The following RNF216 variants were observed in gnomAD, a reference collection of about 807,000 sequenced individuals.
RNF216 encodes the protein E3 ubiquitin-protein ligase RNF216.
A neutral mutation model predicts 110.8 loss-of-function variants in RNF216; 72 were observed. The observed-to-expected ratio is 0.65, with a 90% confidence interval of 0.54 to 0.79. The LOEUF is 0.79. Among genes scored for constraint, RNF216 ranks in the 30% least tolerant of loss-of-function variants. The pLI is 0.00. For synonymous variants in RNF216, 495 were observed against 407.5 expected, an observed-to-expected ratio of 1.21 and a Z score of -2.59; for missense variants, 1,342 against 1,141.2, an observed-to-expected ratio of 1.18 and a Z score of -2.54.
chr7:5,749,267 C>T (rs1400698560), intron 3 of RNF216, among the ~76,000 whole-genome samples: 1 of 151,572 alleles, frequency 6.6e-6, no homozygotes, highest in African/African-American at 2.4e-5. Context: ...TCTACTGCCT[C>T]AGCCTCCTGA....
intron 13 of RNF216, among the ~76,000 whole-genome samples, chr7:5,656,899 T>G (rs992463812): frequency 2.6e-5 from 4 of 152,110 alleles, no homozygotes; most frequent in Non-Finnish European, 4.4e-5. Flanking sequence ...GGCCACCACC[T>G]CCTCCAAGCC....
chr7:5,661,767 C>T (rs142896615), intron 13 of RNF216, among the ~76,000 whole-genome samples: 2,669 of 152,284 alleles, frequency 0.018, 34 homozygotes, highest in Non-Finnish European at 0.028. Context: ...TGTGCCACTA[C>T]ACTCCAGCCT....
rs796409845 is a variant in RNF216 at position 5,696,824 on chromosome 7, T to C, written c.2061+14937A>G. Among the ~76,000 whole-genome samples the C allele has an allele frequency of 6.6e-6, 1 of 152,152 alleles. No homozygotes were observed. The highest frequency in any genetic ancestry group is 1.5e-5 in the Non-Finnish European group (1 of 68,002). On this transcript the variant is annotated intron_variant, in intron 13 of 16. Transcript: ENST00000389902. The surrounding 1 kb of genome is among the most constrained non-coding windows in gnomAD (Gnocchi z 5.4). ...GGAGGACGGCATGTCCCCAGGTTAC[T>C]AGAAATGACTTGCCATAGTGACTAC... is the stretch of plus-strand genomic sequence containing the variant.
intron 3 of RNF216, among the ~76,000 whole-genome samples, chr7:5,748,408 C>T (rs1795148692): frequency 6.6e-6 from 1 of 152,130 alleles, no homozygotes; most frequent in Admixed American, 6.5e-5. Context: ...TATAGGTGCT[C>T]ACCACCATGC....
At chr7:5,629,984 T>A (rs2128558769) in intron 15 of RNF216, among the ~76,000 whole-genome samples, 1 of 152,190 alleles carries the variant, frequency 6.6e-6, no homozygotes, top group Middle Eastern at 3.4e-3. Flanking sequence ...CAGGAAACAT[T>A]CCAGGCATAT....
At chr7:5,705,941 ACAAAAC>A (rs1182776815) in intron 13 of RNF216, among the ~76,000 whole-genome samples, 1 of 150,952 alleles carries the variant, frequency 6.6e-6, no homozygotes, top group African/African-American at 2.4e-5. Flanking sequence ...ACAAAACAAA[ACAAAAC>A]AAAACAAAAC....
chr7:5,646,558 T>C lies in RNF216; in HGVS notation c.2160-5182A>G, dbSNP rs377065551. ...AATACAAAAAATTAGCTGGGTGTGG[T>C]GGCACACAACTGTAGTCCCAGCCAC... is the stretch of plus-strand genomic sequence containing the variant. On this transcript the variant is annotated intron_variant, in intron 14 of 16. Coordinates refer to ENST00000389902, the MANE Select transcript of RNF216 (RefSeq NM_207111.4). Among the ~76,000 whole-genome samples, 106 of 151,820 alleles carry C rather than the reference T, an allele frequency of 7.0e-4. 2 individuals are homozygous for C. The East Asian group carries it at 0.011, about 16-fold the overall frequency.
intron 13 of RNF216, among the ~76,000 whole-genome samples, chr7:5,700,518 A>ATT (rs1791897498): frequency 6.6e-6 from 1 of 152,222 alleles, no homozygotes; most frequent in Non-Finnish European, 1.5e-5. Flanking sequence ...GGAACTTAAT[A>ATT]GGTGGTGTGT....
At chr7:5,697,424 T>TAGGCAGATGAC (rs1295109686) in intron 13 of RNF216, among the ~76,000 whole-genome samples, 7 of 152,206 alleles carry the variant, frequency 4.6e-5, no homozygotes. Context: ...TGTCTCCATA[T>TAGGCAGATGAC]AGGCAGATGA....
intron 1 of RNF216, among the ~76,000 whole-genome samples, chr7:5,773,854 C>G (rs1400897162): frequency 6.6e-6 from 1 of 152,186 alleles, no homozygotes; most frequent in Non-Finnish European, 1.5e-5. Flanking sequence ...GGCGAGTCAC[C>G]GTGCCTGGCC....
At position 5,623,088 on chromosome 7, in the gene RNF216, G is replaced by A. The variant is rs149012430; in HGVS notation, c.2544C>T (p.Asn848=). The A allele has an allele frequency of 3.6e-4, 585 of 1,611,636 alleles. No homozygotes were observed. The highest frequency in any genetic ancestry group is 4.8e-4 in the Non-Finnish European group (569 of 1,178,110). The part of the protein sequence containing the change: ...VEALPRPVPQ[N]LPQPQMPPYA... Reference sequence around the variant, plus strand: ...AGGGTGGCATCTGTGGCTGTGGCAGGTTCTGCGGAACGGGCCTCGGGAGGG... The same window carrying A: ...AGGGTGGCATCTGTGGCTGTGGCAGATTCTGCGGAACGGGCCTCGGGAGGG... Residue 848 remains asparagine (N), a synonymous_variant, in exon 17 of 17, where the codon AAC becomes AAT. Coordinates refer to ENST00000389902, the MANE Select transcript of RNF216 (RefSeq NM_207111.4).
chr7:5,635,316 A>G (rs1294569925), intron 15 of RNF216, among the ~76,000 whole-genome samples: 1 of 150,422 alleles, frequency 6.6e-6, no homozygotes, highest in Non-Finnish European at 1.5e-5. Context: ...TTTAACACAC[A>G]ATGATATTTA....
In RNF216 at chr7:5,729,700, C is replaced by G. The variant is rs1584526442; in HGVS notation, c.1225-104G>C. ...TGTGTAGAAAAGAATAACATTTGTT[C>G]TAATTACTCTATAAGGAAGTTACCA... On this transcript the variant is annotated intron_variant, in intron 6 of 16. Coordinates refer to ENST00000389902, the MANE Select transcript of RNF216 (RefSeq NM_207111.4). The G allele has an allele frequency of 8.0e-6, 8 of 1,005,664 alleles. No individual in the cohort carries two copies. The East Asian group carries it at 2.1e-4, about 26-fold the overall frequency. The allele number at this position is 1,005,664 out of a possible 1,614,324, so 62.3% of individuals were successfully genotyped here.
chr7:5,716,599 T>G, intron 10 of RNF216, 117 bp downstream of exon 10: 1 of 719,398 alleles, frequency 1.4e-6, no homozygotes, highest in Admixed American at 2.6e-5. Context: ...AACTGCAAAC[T>G]CACCAAACAG....
intron 14 of RNF216, among the ~76,000 whole-genome samples, chr7:5,646,979 G>A (rs917572575): frequency 6.6e-6 from 1 of 152,182 alleles, no homozygotes. Context: ...CCCTAGACAT[G>A]TACGTAGTCT....
chr7:5,780,655 G>T (rs1207632356), intron 1 of RNF216, among the ~76,000 whole-genome samples: 1 of 151,496 alleles, frequency 6.6e-6, no homozygotes, highest in South Asian at 2.1e-4. Flanking sequence ...CAGTGAGCCG[G>T]GATCGCGCCA....
At chr7:5,764,151 C>A (rs1247103295) in intron 1 of RNF216, among the ~76,000 whole-genome samples, 1 of 151,324 alleles carries the variant, frequency 6.6e-6, no homozygotes. Context: ...TGAGATCACG[C>A]CATTGCACTC....
intron 1 of RNF216, among the ~76,000 whole-genome samples, chr7:5,780,984 C>G (rs1221679276): frequency 6.6e-6 from 1 of 152,236 alleles, no homozygotes; most frequent in Admixed American, 6.5e-5. Flanking sequence ...CGAGCCGGGC[C>G]AGCCCCCAGC....
chr7:5,632,436 C>G (rs959657134), intron 15 of RNF216, among the ~76,000 whole-genome samples: 10 of 152,200 alleles, frequency 6.6e-5, no homozygotes, highest in Non-Finnish European at 1.3e-4. Flanking sequence ...ATGAGCAAGG[C>G]CAGGCTGAGG....
Sources: gnomAD v4.1 joint callset for allele counts (sites outside exome capture counted in the v4.1 genomes callset) on GRCh38, gnomAD v4.1.1 for gene constraint, Gnocchi (gnomAD v3.1) non-coding constraint, MANE v1.5 for transcripts, NCBI Gene and HGNC (gene_info 2026-07-23, HGNC 2026-07-21) for gene names.